Variants in STAG1 observed in about 807,000 individuals in gnomAD.
The protein encoded by STAG1 is STAG1 cohesin complex component.
Under a neutral mutation model 170.9 loss-of-function variants are expected in STAG1, and 26 were observed. The ratio of observed to expected loss-of-function variants is 0.15; its 90% confidence interval spans 0.11 to 0.21. The LOEUF is 0.21. Ranked by LOEUF, STAG1 falls within the 10% of genes least tolerant of loss-of-function variation. STAG1 has a pLI of 1.00. For synonymous variants in STAG1, 514 were observed against 497.7 expected, an observed-to-expected ratio of 1.03 and a Z score of -0.44; for missense variants, 964 against 1,509.5, an observed-to-expected ratio of 0.64 and a Z score of 5.99.
intron 4 of STAG1, among the ~76,000 whole-genome samples, chr3:136,598,024 C>G (rs183710791): frequency 3.8e-4 from 58 of 152,192 alleles, no homozygotes; most frequent in Admixed American, 1.8e-3. Flanking sequence ...TTTTTCTAAA[C>G]ATCCTACATC....
chr3:136,376,115 T>C (rs961262413), intron 23 of STAG1, among the ~76,000 whole-genome samples: 2 of 149,774 alleles, frequency 1.3e-5, no homozygotes, highest in African/African-American at 4.9e-5. Context: ...ATTTAAAGAA[T>C]AAGGTTTAGG....
intron 3 of STAG1, among the ~76,000 whole-genome samples, chr3:136,605,588 A>T (rs1347865749): frequency 1.3e-5 from 2 of 152,120 alleles, no homozygotes; most frequent in Non-Finnish European, 2.9e-5. Context: ...AGTATTACCT[A>T]GAGGTCTCCC....
intron 3 of STAG1, among the ~76,000 whole-genome samples, chr3:136,619,521 G>T (rs1576675975): frequency 6.6e-6 from 1 of 152,120 alleles, no homozygotes; most frequent in East Asian, 1.9e-4. Context: ...ACTTTGTGAG[G>T]CTGAGGCTGG....
chr3:136,424,095 T>A (rs1446012772), intron 16 of STAG1, among the ~76,000 whole-genome samples: 1 of 152,058 alleles, frequency 6.6e-6, no homozygotes, highest in Non-Finnish European at 1.5e-5. Context: ...ACTCCTGACC[T>A]CAAGTGATCC....
intron 7 of STAG1, among the ~76,000 whole-genome samples, chr3:136,510,974 G>A (rs1934036880): frequency 6.6e-6 from 1 of 152,078 alleles, no homozygotes; most frequent in South Asian, 2.1e-4. Flanking sequence ...GTTTCACCAT[G>A]TTGGCCAGGC....
intron 30 of STAG1, 75 bp downstream of exon 30, chr3:136,343,757 C>T (rs2108261088): frequency 2.4e-6 from 3 of 1,258,318 alleles, no homozygotes; most frequent in South Asian, 3.3e-5. Context: ...TTCTGATGAA[C>T]AAATAAAGTT....
intron 15 of STAG1, among the ~76,000 whole-genome samples, chr3:136,434,391 T>C (rs533685574): frequency 6.4e-4 from 98 of 152,298 alleles, no homozygotes; most frequent in African/African-American, 2.3e-3. Context: ...AGTCCAATGG[T>C]TGAAAAGGGG....
chr3:136,581,455 A>G lies in STAG1; in HGVS notation c.298-12594T>C, dbSNP rs898225060. Among the ~76,000 whole-genome samples the G allele has an allele frequency of 4.0e-5, 6 of 151,786 alleles. No individual in the cohort carries two copies. In the South Asian group the frequency reaches 6.2e-4, roughly 16 times the overall value. On this transcript the variant is annotated intron_variant, in intron 4 of 33. Coordinates refer to ENST00000383202, the MANE Select transcript of STAG1 (RefSeq NM_005862.3). Reference sequence around the variant, plus strand: ...TTTAAAGGAAACACAAATATTTCAGAAAAAAAACCACCTGTCTTTTTATCA... The same window carrying G: ...TTTAAAGGAAACACAAATATTTCAGGAAAAAAACCACCTGTCTTTTTATCA...
chr3:136,673,919 A>G (rs1279254794), intron 1 of STAG1, among the ~76,000 whole-genome samples: 4 of 151,788 alleles, frequency 2.6e-5, no homozygotes, highest in East Asian at 1.9e-4. Context: ...CCTGGGTAAC[A>G]TGGCAAAACC....
At chr3:136,409,896 T>C (rs552702724) in intron 21 of STAG1, among the ~76,000 whole-genome samples, 17 of 150,946 alleles carry the variant, frequency 1.1e-4, no homozygotes, top group African/African-American at 3.9e-4. Flanking sequence ...CTGGGCAACA[T>C]AGCGAGACCC....
At chr3:136,612,817 C>T (rs1939370958) in intron 3 of STAG1, among the ~76,000 whole-genome samples, 1 of 152,228 alleles carries the variant, frequency 6.6e-6, no homozygotes, top group Admixed American at 6.5e-5. Flanking sequence ...TGGGTCACCA[C>T]TGTTAGGCAA....
At chr3:136,488,994 T>C (rs566680641) in intron 9 of STAG1, among the ~76,000 whole-genome samples, 1 of 152,088 alleles carries the variant, frequency 6.6e-6, no homozygotes, top group African/African-American at 2.4e-5. Context: ...GTGCAAAAAA[T>C]AGTAAGACAA....
chr3:136,396,351 G>T (rs945858193), intron 22 of STAG1, among the ~76,000 whole-genome samples: 2 of 151,382 alleles, frequency 1.3e-5, no homozygotes, highest in African/African-American at 2.4e-5. Context: ...CTGAGTAGCT[G>T]GGACTACAGG....
At chr3:136,728,947 A>G (rs897005592) in intron 1 of STAG1, among the ~76,000 whole-genome samples, 1 of 152,178 alleles carries the variant, frequency 6.6e-6, no homozygotes, top group African/African-American at 2.4e-5. Context: ...CAAATAAAGG[A>G]GGGATGGGAA....
chr3:136,652,348 G>T (rs1051860654), intron 1 of STAG1, among the ~76,000 whole-genome samples: 4 of 152,068 alleles, frequency 2.6e-5, no homozygotes, highest in African/African-American at 9.7e-5. Flanking sequence ...GCATTTTTTT[G>T]ATCAACAATG....
intron 1 of STAG1, among the ~76,000 whole-genome samples, chr3:136,656,494 G>T (rs1290118964): frequency 6.6e-6 from 1 of 151,578 alleles, no homozygotes; most frequent in Non-Finnish European, 1.5e-5. Flanking sequence ...AAACGGTGGT[G>T]GCAGAGGGGT....
intron 1 of STAG1, among the ~76,000 whole-genome samples, chr3:136,646,317 T>G (rs1356651867): frequency 6.6e-6 from 1 of 152,160 alleles, no homozygotes; most frequent in African/African-American, 2.4e-5. Context: ...CACTAAGCAA[T>G]CTTTGTATTT....
chr3:136,620,376 C>G (rs1046378356), intron 3 of STAG1, among the ~76,000 whole-genome samples: 1 of 152,208 alleles, frequency 6.6e-6, no homozygotes, highest in African/African-American at 2.4e-5. Flanking sequence ...GGACTCCAAT[C>G]TGATCATTCT....
At chr3:136,732,253 A>C (rs1328675585) in intron 1 of STAG1, among the ~76,000 whole-genome samples, 1 of 151,688 alleles carries the variant, frequency 6.6e-6, no homozygotes. Flanking sequence ...AAAAAAAAAA[A>C]AAAAAACACC....
Sources: gnomAD v4.1 joint callset for allele counts (sites outside exome capture counted in the v4.1 genomes callset) on GRCh38, gnomAD v4.1.1 for gene constraint, MANE v1.5 for transcripts, NCBI Gene and HGNC (gene_info 2026-07-23, HGNC 2026-07-21) for gene names.